The following NXN variants were observed in gnomAD, a reference collection of about 807,000 sequenced individuals.
NXN encodes nucleoredoxin 1.
A neutral mutation model predicts 48.6 loss-of-function variants in NXN; 16 were observed. The ratio of observed to expected loss-of-function variants is 0.33; its 90% CI spans 0.22 to 0.50. The LOEUF (loss-of-function observed/expected upper bound fraction) is 0.50. Among genes scored for constraint, NXN ranks in the 20% least tolerant of loss-of-function variants. NXN has a pLI of 0.98. For synonymous variants in NXN, 281 were observed against 269.6 expected, an observed-to-expected ratio of 1.04 and a Z score of -0.41; for missense variants, 492 against 605.5, an observed-to-expected ratio of 0.81 and a Z score of 1.97.
chr17:856,820 G>A (rs1256240010), intron 1 of NXN, among the ~76,000 whole-genome samples: 1 of 152,074 alleles, frequency 6.6e-6, no homozygotes, highest in Non-Finnish European at 1.5e-5. Context: ...TGTTCACACT[G>A]CCTAGGTTTT....
chr17:806,871 G>C (rs933555295), intron 5 of NXN, among the ~76,000 whole-genome samples: 4 of 152,234 alleles, frequency 2.6e-5, no homozygotes, highest in Admixed American at 2.0e-4. Flanking sequence ...AGTGGGTCCA[G>C]AGAGAACAGG....
At chr17:890,036 G>T (rs2068399041) in intron 1 of NXN, among the ~76,000 whole-genome samples, 1 of 152,030 alleles carries the variant, frequency 6.6e-6, no homozygotes, top group African/African-American at 2.4e-5. Flanking sequence ...AACTTAGGAA[G>T]AAACTGAATT....
At chr17:936,924 C>T (rs999686380) in intron 1 of NXN, among the ~76,000 whole-genome samples, 10 of 151,920 alleles carry the variant, frequency 6.6e-5, no homozygotes, top group African/African-American at 1.9e-4. Flanking sequence ...GCAGAAAGGC[C>T]GGGTACGGTG....
chr17:855,850 T>C (rs1446310342), intron 1 of NXN, among the ~76,000 whole-genome samples: 1 of 152,092 alleles, frequency 6.6e-6, no homozygotes, highest in Non-Finnish European at 1.5e-5. Context: ...ATGATTCCTG[T>C]CATGGGACAG....
At chr17:803,359 C>G (rs1343546481) in intron 7 of NXN, among the ~76,000 whole-genome samples, 1 of 152,218 alleles carries the variant, frequency 6.6e-6, no homozygotes, top group Non-Finnish European at 1.5e-5. Context: ...GACTCAAGGG[C>G]CTGGTTGTGA....
intron 1 of NXN, among the ~76,000 whole-genome samples, chr17:839,683 T>C (rs1914027136): frequency 6.7e-6 from 1 of 150,264 alleles, no homozygotes; most frequent in Admixed American, 6.7e-5. Context: ...ACATCTGTAG[T>C]CCCAGCTACG....
chr17:852,687 C>T (rs1212923727), intron 1 of NXN, among the ~76,000 whole-genome samples: 3 of 152,122 alleles, frequency 2.0e-5, no homozygotes, highest in South Asian at 2.1e-4. Context: ...CTGAGTCAGC[C>T]CGGGCTATAG....
Position 819,379 on chromosome 17 carries a change from G to A in NXN, c.820+60C>T, listed in dbSNP as rs58608780. 7.3e-3 allele frequency: 8,483 copies of A among 1,163,128 alleles called. 285 individuals carry two copies. The African/African-American group carries it at 0.087, about 12-fold the overall frequency. The allele number at this position is 1,163,128 out of a possible 1,614,324, so 72.1% of individuals were successfully genotyped here. ...CTTCTTAAAGGAAAGCCAAAGACAC[G>A]GTGAGCTCAGGTGAGCAGGTTTCCA... On this transcript the variant is annotated intron_variant, in intron 5 of 7. Transcript: ENST00000336868.
intron 1 of NXN, among the ~76,000 whole-genome samples, chr17:921,988 A>ATAG (rs1375899093): frequency 6.6e-6 from 1 of 152,214 alleles, no homozygotes. Context: ...TATTTCTTAT[A>ATAG]TAGACTGAAG....
At chr17:965,359 T>C (rs781237420) in intron 1 of NXN, among the ~76,000 whole-genome samples, 3 of 152,206 alleles carry the variant, frequency 2.0e-5, no homozygotes, top group Non-Finnish European at 4.4e-5. Flanking sequence ...CGGCTTACTT[T>C]AGTTATCACA....
At chr17:823,137 G>A (rs1466521243) in intron 3 of NXN, among the ~76,000 whole-genome samples, 2 of 148,966 alleles carry the variant, frequency 1.3e-5, no homozygotes, top group South Asian at 2.1e-4. Context: ...GATGGTTCAT[G>A]CTTGTAATCC....
intron 1 of NXN, chr17:863,873 T>G: frequency 3.5e-6 from 4 of 1,148,062 alleles, no homozygotes; most frequent in Non-Finnish European, 5.0e-6. Flanking sequence ...GGAAAAAACA[T>G]ACCCACTGCT....
intron 1 of NXN, among the ~76,000 whole-genome samples, chr17:835,500 C>T (rs2144686249): frequency 6.6e-6 from 1 of 152,190 alleles, no homozygotes; most frequent in Admixed American, 6.5e-5. Flanking sequence ...CTTGAAAGTT[C>T]CCACTGCTCC....
At chr17:829,909 G>A (rs28625014) in intron 1 of NXN, among the ~76,000 whole-genome samples, 56,131 of 151,948 alleles carry the variant, frequency 0.37, 10,644 homozygotes, top group East Asian at 0.51. Context: ...CTTTGCTATC[G>A]TAAACAGTGC....
At chr17:826,650 G>C (rs753193133) in intron 1 of NXN, among the ~76,000 whole-genome samples, 27 of 152,330 alleles carry the variant, frequency 1.8e-4, no homozygotes, top group Non-Finnish European at 3.1e-4. Context: ...AGAAGGCCAC[G>C]GAGTTAACAT....
chr17:936,941 G>A (rs529303637), intron 1 of NXN, among the ~76,000 whole-genome samples: 4 of 151,974 alleles, frequency 2.6e-5, no homozygotes, highest in East Asian at 3.9e-4. Context: ...GGTGGCTCAC[G>A]CCTGTAATCC....
intron 5 of NXN, among the ~76,000 whole-genome samples, chr17:818,942 A>T (rs1912648113): frequency 6.6e-6 from 1 of 151,890 alleles, no homozygotes; most frequent in South Asian, 2.1e-4. Context: ...TTACTAAGAC[A>T]GTATTTAGTA....
chr17:909,117 A>C (rs1240331401), intron 1 of NXN, among the ~76,000 whole-genome samples: 2 of 102,250 alleles, frequency 2.0e-5, no homozygotes, highest in Non-Finnish European at 4.3e-5. Flanking sequence ...AAAAAAAAAA[A>C]AAAAAAAAAA....
chr17:926,118 C>T (rs2068795181), intron 1 of NXN, among the ~76,000 whole-genome samples: 1 of 152,188 alleles, frequency 6.6e-6, no homozygotes, highest in South Asian at 2.1e-4. Flanking sequence ...TGGATGAAAG[C>T]TCTCAAGATT....
Sources: gnomAD v4.1 joint callset for allele counts (sites outside exome capture counted in the v4.1 genomes callset) on GRCh38, gnomAD v4.1.1 for gene constraint, MANE v1.5 for transcripts, NCBI Gene and HGNC (gene_info 2026-07-23, HGNC 2026-07-21) for gene names.